The following CDYL2 variants were observed in gnomAD, a reference collection of about 807,000 sequenced individuals.
The protein encoded by CDYL2 is chromodomain Y like 2.
CDYL2 carries 23 observed loss-of-function variants against 49.4 expected under a neutral mutation model. The observed-to-expected ratio is 0.47, with a 90% CI of 0.34 to 0.66. CDYL2 has a LOEUF of 0.66. Among genes scored for constraint, CDYL2 ranks in the 30% least tolerant of loss-of-function variants. The probability of loss-of-function intolerance (pLI) is 0.01; values close to 1 mark genes in which losing one functional copy is unlikely to be tolerated. For synonymous variants in CDYL2, 360 were observed against 268.8 expected, an observed-to-expected ratio of 1.34 and a Z score of -3.32; for missense variants, 678 against 656.4, an observed-to-expected ratio of 1.03 and a Z score of -0.36.
intron 1 of CDYL2, among the ~76,000 whole-genome samples, chr16:80,800,814 G>C (rs908741841): frequency 6.6e-6 from 1 of 152,178 alleles, no homozygotes; most frequent in Non-Finnish European, 1.5e-5. Context: ...AACCCAGAGA[G>C]AGACAAGAAA....
At chr16:80,746,100 T>C (rs1283203351) in intron 1 of CDYL2, among the ~76,000 whole-genome samples, 2 of 152,164 alleles carry the variant, frequency 1.3e-5, no homozygotes, top group African/African-American at 4.8e-5. Flanking sequence ...ACTAGCTCTG[T>C]TCCCGAGACC....
chr16:80,636,432 C>T (rs1907827229), intron 2 of CDYL2, among the ~76,000 whole-genome samples: 2 of 151,968 alleles, frequency 1.3e-5, no homozygotes, highest in African/African-American at 4.8e-5. Flanking sequence ...GAAATGTATG[C>T]AGCCAACAAA....
At chr16:80,804,999 G>A (rs943032200), upstream of CDYL2, among the ~76,000 whole-genome samples, 1 of 152,174 alleles carries the variant, frequency 6.6e-6, no homozygotes, top group Admixed American at 6.5e-5. Flanking sequence ...AGATGTGGAG[G>A]CCACAGGGAG....
chr16:80,705,054 C>A (rs7204905), intron 1 of CDYL2, among the ~76,000 whole-genome samples: 13,464 of 152,240 alleles, frequency 0.088, 1,024 homozygotes, highest in African/African-American at 0.21. Flanking sequence ...CTCATCCCAA[C>A]AGCTCACCAG....
At chr16:80,762,915 C>T (rs2142385140) in intron 1 of CDYL2, among the ~76,000 whole-genome samples, 1 of 152,286 alleles carries the variant, frequency 6.6e-6, no homozygotes, top group East Asian at 1.9e-4. Flanking sequence ...TACAGTACTG[C>T]TGGCCATGAG....
intron 1 of CDYL2, among the ~76,000 whole-genome samples, chr16:80,785,743 T>G (rs1016806958): frequency 2.0e-5 from 3 of 152,110 alleles, no homozygotes; most frequent in South Asian, 2.1e-4. Context: ...CAAAACAGCA[T>G]AGTACTGGTA....
At chr16:80,639,949 T>A (rs1908009048) in intron 2 of CDYL2, among the ~76,000 whole-genome samples, 1 of 152,184 alleles carries the variant, frequency 6.6e-6, no homozygotes, top group South Asian at 2.1e-4. Flanking sequence ...ATCACTGATA[T>A]CCCAGTGGTC....
chr16:80,717,177 G>A (rs140624522), intron 1 of CDYL2, among the ~76,000 whole-genome samples: 55 of 151,094 alleles, frequency 3.6e-4, no homozygotes, highest in African/African-American at 1.2e-3. Flanking sequence ...ATGGATGGAT[G>A]GATGGATGGA....
intron 2 of CDYL2, among the ~76,000 whole-genome samples, chr16:80,657,549 T>C (rs1428547462): frequency 1.3e-5 from 2 of 152,038 alleles, no homozygotes; most frequent in Non-Finnish European, 2.9e-5. Flanking sequence ...CCCAAAAGAA[T>C]AGTGCACATT....
At chr16:80,653,316 T>C (rs1236017881) in intron 2 of CDYL2, among the ~76,000 whole-genome samples, 2 of 152,086 alleles carry the variant, frequency 1.3e-5, no homozygotes, top group African/African-American at 4.8e-5. Context: ...AAACACAAAA[T>C]TAGCCGGGCA....
intron 1 of CDYL2, among the ~76,000 whole-genome samples, chr16:80,735,942 G>C (rs140918492): frequency 6.6e-6 from 1 of 152,170 alleles, no homozygotes; most frequent in African/African-American, 2.4e-5. Context: ...ACAGAGACTC[G>C]GGTCTGCACT....
intron 1 of CDYL2, among the ~76,000 whole-genome samples, chr16:80,726,936 A>G (rs1905181452): frequency 1.3e-5 from 2 of 152,174 alleles, no homozygotes; most frequent in Admixed American, 6.5e-5. Flanking sequence ...AAATTTAAAA[A>G]TTAGCTAGGC....
chr16:80,763,885 T>C (rs1211738180), intron 1 of CDYL2, among the ~76,000 whole-genome samples: 1 of 151,910 alleles, frequency 6.6e-6, no homozygotes, highest in East Asian at 1.9e-4. Context: ...ATAAGTAAGC[T>C]TAAAAAATTA....
intron 1 of CDYL2, among the ~76,000 whole-genome samples, chr16:80,779,769 C>A (rs1031059293): frequency 6.6e-6 from 1 of 152,040 alleles, no homozygotes; most frequent in Non-Finnish European, 1.5e-5. Flanking sequence ...GTAGTTAATA[C>A]ATACACATTT....
intron 5 of CDYL2, among the ~76,000 whole-genome samples, chr16:80,609,365 A>T (rs907773998): frequency 2.4e-4 from 37 of 152,304 alleles, no homozygotes; most frequent in African/African-American, 8.4e-4. Flanking sequence ...CTGAAATGCC[A>T]GGCACTCTCA....
chr16:80,651,260 T>C (rs539328306), intron 2 of CDYL2, among the ~76,000 whole-genome samples: 1 of 152,206 alleles, frequency 6.6e-6, no homozygotes, highest in East Asian at 1.9e-4. Flanking sequence ...AAATTAAAAA[T>C]AATTTTTTAA....
chr16:80,748,775 T>A (rs1463467899), intron 1 of CDYL2, among the ~76,000 whole-genome samples: 1 of 152,092 alleles, frequency 6.6e-6, no homozygotes, highest in Non-Finnish European at 1.5e-5. Context: ...AACTTAACAG[T>A]TGATCCCTGT....
In CDYL2 at chr16:80,620,751, A is replaced by C. The variant is rs754048873; in HGVS notation, c.1007+12T>G. ...CAGGACCCCAGGGTGTGTGAAAAGG[A>C]GCACAGCTCACCTGATGGCTTCTGC... On this transcript the variant is annotated intron_variant, in intron 4 of 6. Transcript: ENST00000570137. 6.3e-7 allele frequency: 1 copy of C among 1,576,654 alleles called. No individual in the cohort carries two copies. Among genetic ancestry groups the C allele is most frequent in the South Asian group, 1.1e-5 (1 of 87,156 alleles).
chr16:80,795,960 G>C (rs1182859939), intron 1 of CDYL2, among the ~76,000 whole-genome samples: 1 of 152,194 alleles, frequency 6.6e-6, no homozygotes, highest in Non-Finnish European at 1.5e-5. Context: ...TAAAAGCTTT[G>C]TCTAGCCATA....
Sources: allele counts gnomAD v4.1 joint callset (sites outside exome capture counted in the v4.1 genomes callset), GRCh38; gene constraint gnomAD v4.1.1; transcripts MANE v1.5; gene names NCBI Gene and HGNC (gene_info 2026-07-23, HGNC 2026-07-21).